Variants in TTC29 observed in about 807,000 individuals in gnomAD.
TTC29 encodes tetratricopeptide repeat domain 29, also known as tetratricopeptide repeat protein 29.
Under a neutral mutation model 58.1 loss-of-function variants are expected in TTC29, and 49 were observed. The ratio of observed to expected loss-of-function variants is 0.84; its 90% CI spans 0.67 to 1.07. The LOEUF is 1.07. Ranked by LOEUF, TTC29 falls within the 50% of genes least tolerant of loss-of-function variation. TTC29 has a pLI of 0.00. For missense variants in TTC29, 582 were observed against 555.6 expected, an observed-to-expected ratio of 1.05 and a Z score of -0.48; for synonymous variants, 209 against 196.8, an observed-to-expected ratio of 1.06 and a Z score of -0.52.
chr4:146,934,350 G>A (rs1202478372), intron 4 of TTC29: 1 of 152,196 alleles, frequency 6.6e-6, no homozygotes, highest in African/African-American at 2.4e-5. Context: ...AAGACTCAAG[G>A]CTGCCTTGAT....
chr4:146,861,728 T>G (rs1730244263), intron 8 of TTC29, among the ~76,000 whole-genome samples: 3 of 152,100 alleles, frequency 2.0e-5, no homozygotes. Flanking sequence ...CTATTTCAGA[T>G]TAATAGAACT....
At chr4:146,824,562 CT>C (rs34491094) in intron 9 of TTC29, among the ~76,000 whole-genome samples, 65,086 of 151,372 alleles carry the variant, frequency 0.43, 15,304 homozygotes, top group African/African-American at 0.61. Context: ...CTGAAATTTT[CT>C]TTTTTTTTGT....
intron 8 of TTC29, among the ~76,000 whole-genome samples, chr4:146,861,128 G>T (rs1730205198): frequency 6.6e-6 from 1 of 152,124 alleles, no homozygotes; most frequent in Non-Finnish European, 1.5e-5. Flanking sequence ...TAAGTGAATT[G>T]ATATATTTAG....
chr4:146,821,614 A>G (rs1299423469), intron 9 of TTC29, among the ~76,000 whole-genome samples: 1 of 152,202 alleles, frequency 6.6e-6, no homozygotes, highest in Non-Finnish European at 1.5e-5. Context: ...AGTAAGCATT[A>G]ATACATTTTT....
intron 8 of TTC29, among the ~76,000 whole-genome samples, chr4:146,855,973 G>A (rs112691914): frequency 5.9e-5 from 9 of 152,220 alleles, no homozygotes; most frequent in Admixed American, 1.3e-4. Context: ...ACAGCTGTGC[G>A]TTGCCTCTAG....
At chr4:146,743,203 G>A (rs1253995423) in intron 11 of TTC29, among the ~76,000 whole-genome samples, 4 of 151,878 alleles carry the variant, frequency 2.6e-5, no homozygotes, top group Admixed American at 2.6e-4. Flanking sequence ...TTTTATAATT[G>A]GCCTTGGGAG....
At position 146,813,674 on chromosome 4, in the gene TTC29, A is replaced by C. The variant is rs956487264; in HGVS notation, c.1101+6451T>G. On this transcript the variant is annotated intron_variant, in intron 10 of 12. Coordinates refer to ENST00000325106, the MANE Select transcript of TTC29 (RefSeq NM_031956.4). ...TTTCAGGACAAGTTTTCAAAATGCT[A>C]AAATATTATACAAAAATGAAATAGA... is the stretch of plus-strand genomic sequence containing the variant. Among the ~76,000 whole-genome samples the C allele has an allele frequency of 1.2e-4, 19 of 152,176 alleles. 1 individual carries two copies. Among genetic ancestry groups the C allele is most frequent in the Admixed American group, 1.2e-3 (19 of 15,266 alleles).
intron 6 of TTC29, among the ~76,000 whole-genome samples, chr4:146,875,678 A>AAGG (rs1201635788): frequency 3.3e-5 from 5 of 152,124 alleles, no homozygotes; most frequent in Admixed American, 6.6e-5. Context: ...GGCGCCTTAA[A>AAGG]CTGCTTCTCA....
intron 6 of TTC29, among the ~76,000 whole-genome samples, chr4:146,881,676 T>C (rs1463588973): frequency 6.6e-6 from 1 of 152,116 alleles, no homozygotes; most frequent in Non-Finnish European, 1.5e-5. Context: ...ATTATGATAA[T>C]TATAACGGCA....
chr4:146,801,449 A>G (rs1441525619), intron 11 of TTC29, among the ~76,000 whole-genome samples: 1 of 152,146 alleles, frequency 6.6e-6, no homozygotes, highest in African/African-American at 2.4e-5. Context: ...TCATCCATGC[A>G]TATATTTCTA....
intron 10 of TTC29, among the ~76,000 whole-genome samples, chr4:146,818,036 G>C (rs977753004): frequency 6.6e-6 from 1 of 152,162 alleles, no homozygotes; most frequent in African/African-American, 2.4e-5. Flanking sequence ...AGGACTTCAT[G>C]TCTAAAACAC....
chr4:146,901,518 C>T (rs1733147947), intron 6 of TTC29, among the ~76,000 whole-genome samples: 1 of 152,210 alleles, frequency 6.6e-6, no homozygotes. Flanking sequence ...TGTGATCTAT[C>T]CTAAGCCTCC....
At chr4:146,922,024 A>AAAG (rs1208641588) in intron 4 of TTC29, among the ~76,000 whole-genome samples, 1 of 149,784 alleles carries the variant, frequency 6.7e-6, no homozygotes. Context: ...AAAAAAAAAA[A>AAAG]AAAAAAGAAA....
intron 6 of TTC29, among the ~76,000 whole-genome samples, chr4:146,886,330 T>G (rs550951331): frequency 1.3e-5 from 2 of 152,262 alleles, no homozygotes; most frequent in East Asian, 3.9e-4. Context: ...ATCCGTCCAA[T>G]CCTGTCTCTT....
intron 10 of TTC29, among the ~76,000 whole-genome samples, chr4:146,816,204 A>G (rs17021983): frequency 0.061 from 9,351 of 152,228 alleles, 393 homozygotes; most frequent in Admixed American, 0.13. Context: ...TCAAATATAT[A>G]TGCCTTCAAA....
intron 11 of TTC29, among the ~76,000 whole-genome samples, chr4:146,714,861 T>C (rs891171205): frequency 6.6e-6 from 1 of 152,128 alleles, no homozygotes; most frequent in Non-Finnish European, 1.5e-5. Context: ...AATGGAAGGA[T>C]GTAATTGTAA....
chr4:146,945,134 T>C (rs1736809348), intron 1 of TTC29, 57 bp from the exon 2 acceptor site: 1 of 152,188 alleles, frequency 6.6e-6, no homozygotes, highest in South Asian at 2.1e-4. Context: ...AATCATTCAG[T>C]AGTGTAACTC....
chr4:146,787,200 T>C (rs1749088286), intron 11 of TTC29, among the ~76,000 whole-genome samples: 1 of 152,156 alleles, frequency 6.6e-6, no homozygotes, highest in South Asian at 2.1e-4. Flanking sequence ...AATATGAAGG[T>C]GATGGTACAT....
chr4:146,901,276 T>G (rs1027246872), intron 6 of TTC29, among the ~76,000 whole-genome samples: 1 of 152,148 alleles, frequency 6.6e-6, no homozygotes, highest in East Asian at 1.9e-4. Context: ...GTAAGCCATA[T>G]CTCCCCAGTG....
Sources: gnomAD v4.1 joint callset for allele counts (sites outside exome capture counted in the v4.1 genomes callset) on GRCh38, gnomAD v4.1.1 for gene constraint, MANE v1.5 for transcripts, NCBI Gene and HGNC (gene_info 2026-07-23, HGNC 2026-07-21) for gene names.